The following XCR1 variants were observed in gnomAD, a reference collection of about 807,000 sequenced individuals.
XCR1 encodes chemokine XC receptor 1.
For synonymous variants in XCR1, 187 were observed against 188.5 expected (o/e 0.99, Z 0.06); for missense variants, 356 against 424.2 (o/e 0.84, Z 1.41).
chr3:46,037,424 TAAAGA>T (rs1201893462), intron 5 of XCR1, among the ~76,000 whole-genome samples: 1 of 152,050 alleles, frequency 6.6e-6, no homozygotes, highest in African/African-American at 2.4e-5. Context: ...AGAAAGGTTA[TAAAGA>T]AAAGAGAAAA....
chr3:46,051,601 G>A (rs1012208975), intron 5 of XCR1, among the ~76,000 whole-genome samples: 32 of 152,222 alleles, frequency 2.1e-4, no homozygotes, highest in Non-Finnish European at 1.0e-4. Flanking sequence ...GATTTCCCGC[G>A]TAGTTGTGCT....
intron 4 of XCR1, among the ~76,000 whole-genome samples, chr3:46,054,877 A>ATTGCC (rs1697824158): frequency 6.6e-6 from 1 of 152,230 alleles, no homozygotes; most frequent in Non-Finnish European, 1.5e-5. Context: ...CCTGAATAAG[A>ATTGCC]AGTGGTCCAC....
chr3:46,017,378 AAAG>A lies in XCR1; in HGVS notation c.*3565_*3567del, dbSNP rs1263925631. The A allele has an allele frequency of 1.3e-5, 2 of 152,290 alleles. No individual in the cohort carries two copies. The highest frequency in any genetic ancestry group is 2.9e-5 in the Non-Finnish European group (2 of 68,056). The allele number at this position is 152,290 out of a possible 1,614,324, so 9.4% of individuals were successfully genotyped here. A position where few individuals can be genotyped will look rare whatever the true frequency, so the allele number is the denominator to read the frequency against. On this transcript the variant is annotated 3_prime_UTR_variant, in exon 2 of 2. Coordinates refer to ENST00000309285, the MANE Select transcript of XCR1 (RefSeq NM_001024644.2). ...AAATGAAACCTGTGAAAAGTTCAAC[AAAG>A]CTTAATTCCAAACAAAAAAGATGAT...
chr3:46,070,209 T>A (rs974692036), intron 3 of XCR1, among the ~76,000 whole-genome samples: 54 of 152,272 alleles, frequency 3.5e-4, no homozygotes, highest in Non-Finnish European at 7.5e-4. Context: ...TCACAGATGA[T>A]CTATCTTGGA....
At chr3:46,036,831 G>A (rs1404037633) in intron 5 of XCR1, among the ~76,000 whole-genome samples, 1 of 152,092 alleles carries the variant, frequency 6.6e-6, no homozygotes, top group Non-Finnish European at 1.5e-5. Flanking sequence ...TTAACTTAAA[G>A]TTCTTATTTA....
At position 46,039,686 on chromosome 3, in the gene XCR1, C is replaced by T. The variant is rs116460387; in HGVS notation, c.-32+14234G>A. ...AAGAGAAGGTGACAATCAAAATGAA[C>T]GGTTTTCCTAAGACGCAGGTTCAGA... On this transcript the variant is annotated intron_variant, in intron 5 of 5. Transcript: ENST00000683768. Among the ~76,000 whole-genome samples, 446 of 152,262 alleles carry T rather than the reference C, an allele frequency of 2.9e-3. 3 individuals carry two copies. Among genetic ancestry groups the T allele is most frequent in the African/African-American group, 9.7e-3 (403 of 41,554 alleles).
At chr3:46,023,543 G>T in intron 1 of XCR1, 1 of 1,542,712 alleles carries the variant, frequency 6.5e-7, no homozygotes, top group Non-Finnish European at 8.9e-7. Context: ...CGTGAGGAAA[G>T]ATTGAAAGCC....
At chr3:46,023,666 AG>A in intron 1 of XCR1, 1 of 1,427,452 alleles carries the variant, frequency 7.0e-7, no homozygotes, top group Non-Finnish European at 9.8e-7. Flanking sequence ...CCTTCTTCAG[AG>A]AAACGCCTGC....
At chr3:46,046,867 A>G (rs940309092) in intron 5 of XCR1, among the ~76,000 whole-genome samples, 1 of 152,208 alleles carries the variant, frequency 6.6e-6, no homozygotes, top group African/African-American at 2.4e-5. Context: ...TAATTCACCA[A>G]TATCAAAGGT....
At chr3:46,022,500 A>C (rs1708178049) in intron 1 of XCR1, among the ~76,000 whole-genome samples, 2 of 152,228 alleles carry the variant, frequency 1.3e-5, no homozygotes, top group Non-Finnish European at 2.9e-5. Flanking sequence ...CTATTCTATC[A>C]GGCTTAAGGG....
At chr3:46,063,817 C>A (rs17078561) in intron 4 of XCR1, among the ~76,000 whole-genome samples, 18,664 of 152,170 alleles carry the variant, frequency 0.12, 3,758 homozygotes, top group African/African-American at 0.42. Context: ...GTTGATTGTA[C>A]CCTTTGGCAC....
intron 1 of XCR1, among the ~76,000 whole-genome samples, chr3:46,084,958 A>G (rs1575448519): frequency 6.6e-6 from 1 of 151,362 alleles, no homozygotes; most frequent in East Asian, 1.9e-4. Flanking sequence ...TAAAAGTTGG[A>G]TTTTTTTTTT....
intron 5 of XCR1, among the ~76,000 whole-genome samples, chr3:46,051,954 A>T (rs1697753129): frequency 6.6e-6 from 1 of 152,160 alleles, no homozygotes; most frequent in African/African-American, 2.4e-5. Context: ...TGGACCCGGG[A>T]GGCGGAGCTT....
intron 5 of XCR1, among the ~76,000 whole-genome samples, chr3:46,053,735 A>G (rs73830715): frequency 0.13 from 19,590 of 151,162 alleles, 1,542 homozygotes; most frequent in South Asian, 0.34. Flanking sequence ...ATAACCTCCC[A>G]TAGCATCTTA....
rs1708111783 is a variant in XCR1, at chr3:46,020,136, C to T, written c.*810G>A. The T allele has an allele frequency of 6.6e-6, 1 of 152,212 alleles. No individual in the cohort carries two copies. The highest frequency in any genetic ancestry group is 1.5e-5 in the Non-Finnish European group (1 of 68,060). 9.4% of individuals were successfully genotyped at this position (152,212 alleles called of 1,614,324 possible). A position where few individuals can be genotyped will look rare whatever the true frequency, so the allele number is the denominator to read the frequency against. ...AGGATGAGATGTCGGAGGAGTCCAC[C>T]CTAGATGCCTTCACCAAGGTGGGTG... On this transcript the variant is annotated 3_prime_UTR_variant, in exon 2 of 2. Transcript: ENST00000309285.
At chr3:46,027,916 CCT>C (rs1260889107), upstream of XCR1, among the ~76,000 whole-genome samples, 15 of 152,264 alleles carry the variant, frequency 9.9e-5, no homozygotes, top group East Asian at 2.7e-3. Context: ...CACTTCAGCC[CCT>C]GATTGGTCCT....
chr3:46,059,553 C>A (rs1697922485), intron 4 of XCR1, among the ~76,000 whole-genome samples: 1 of 152,040 alleles, frequency 6.6e-6, no homozygotes, highest in Non-Finnish European at 1.5e-5. Flanking sequence ...TCTTAGTTCC[C>A]AATTTCTAAT....
intron 5 of XCR1, among the ~76,000 whole-genome samples, chr3:46,050,585 C>T (rs191003792): frequency 4.6e-5 from 7 of 152,220 alleles, no homozygotes; most frequent in Admixed American, 2.0e-4. Context: ...GAATGATATA[C>T]GCAGTGGGAA....
In XCR1 at chr3:46,020,434, G is replaced by C. The variant is rs529516079; in HGVS notation, c.*512C>G. On this transcript the variant is annotated 3_prime_UTR_variant, in exon 2 of 2. Coordinates refer to ENST00000309285, the MANE Select transcript of XCR1 (RefSeq NM_001024644.2). Reference sequence around the variant, plus strand: ...ATGACTGCTTATCTCAGGGTATGGCGACTTTTGTCTTCCAGACAGCCTCAT... The same window carrying C: ...ATGACTGCTTATCTCAGGGTATGGCCACTTTTGTCTTCCAGACAGCCTCAT... The C allele has an allele frequency of 4.5e-5, 7 of 154,378 alleles. No homozygotes were observed. Among genetic ancestry groups the C allele is most frequent in the African/African-American group, 1.7e-4 (7 of 41,564 alleles). The allele number at this position is 154,378 out of a possible 1,614,324, so 9.6% of individuals were successfully genotyped here.
Sources: gnomAD v4.1 joint callset for allele counts (sites outside exome capture counted in the v4.1 genomes callset) on GRCh38, gnomAD v4.1.1 for gene constraint, MANE v1.5 for transcripts, NCBI Gene and HGNC (gene_info 2026-07-23, HGNC 2026-07-21) for gene names.